ROBO2: variants seen among roughly 807,000 people sequenced by gnomAD.
ROBO2 encodes the protein roundabout guidance receptor 2.
In ROBO2, 53 loss-of-function variants were observed where a neutral mutation model predicts 160.8. The observed-to-expected ratio is 0.33, with a 90% confidence interval of 0.26 to 0.41. The LOEUF is 0.41. Among genes scored for constraint, ROBO2 ranks in the 10% least tolerant of loss-of-function variants. ROBO2 has a pLI of 1.00. For synonymous variants in ROBO2, 664 were observed against 611.7 expected (o/e 1.09, Z -1.26); for missense variants, 1,577 against 1,722.4 (o/e 0.92, Z 1.49).
intron 2 of ROBO2, among the ~76,000 whole-genome samples, chr3:76,073,746 A>G (rs2107979410): frequency 6.6e-6 from 1 of 151,992 alleles, no homozygotes; most frequent in South Asian, 2.1e-4. Flanking sequence ...TTATGTCAAG[A>G]GTCCTGGTAG....
intron 2 of ROBO2, among the ~76,000 whole-genome samples, chr3:77,450,645 T>C (rs912256857): frequency 1.3e-5 from 2 of 152,144 alleles, no homozygotes; most frequent in Non-Finnish European, 2.9e-5. Flanking sequence ...TGGATACTTA[T>C]ACGTGAGATT....
chr3:77,105,167 T>C (rs531010224), intron 2 of ROBO2, among the ~76,000 whole-genome samples: 22 of 152,292 alleles, frequency 1.4e-4, no homozygotes, highest in Non-Finnish European at 3.1e-4. Context: ...ATACTAGAAG[T>C]CAGTTAAGTA....
chr3:77,000,982 T>C (rs1400204223), intron 2 of ROBO2, among the ~76,000 whole-genome samples: 2 of 152,148 alleles, frequency 1.3e-5, no homozygotes, highest in Non-Finnish European at 2.9e-5. Flanking sequence ...TTTAGCACCA[T>C]ATATTTAAGA....
intron 2 of ROBO2, among the ~76,000 whole-genome samples, chr3:76,564,014 T>A (rs1195518176): frequency 6.6e-6 from 1 of 152,158 alleles, no homozygotes; most frequent in African/African-American, 2.4e-5. Context: ...GAGACCAGCC[T>A]GGCCAAAGTG....
At chr3:77,384,437 G>T (rs1261079622) in intron 2 of ROBO2, among the ~76,000 whole-genome samples, 2 of 152,106 alleles carry the variant, frequency 1.3e-5, no homozygotes, top group African/African-American at 4.8e-5. Flanking sequence ...TTTAAAAAAA[G>T]TCCAGGAGTA....
intron 2 of ROBO2, among the ~76,000 whole-genome samples, chr3:76,333,042 G>T (rs2073609126): frequency 6.6e-6 from 1 of 152,142 alleles, no homozygotes; most frequent in Non-Finnish European, 1.5e-5. Flanking sequence ...AAGTTTGCAG[G>T]TAATGCTGTT....
intron 1 of ROBO2, among the ~76,000 whole-genome samples, chr3:75,911,283 T>C (rs1409194460): frequency 6.6e-6 from 1 of 152,166 alleles, no homozygotes; most frequent in Non-Finnish European, 1.5e-5. Context: ...GTACACGATC[T>C]ATTACAGACC....
Position 77,124,345 on chromosome 3 carries a change from T to G in ROBO2, c.388+26005T>G, listed in dbSNP as rs73843476. On this transcript the variant is annotated intron_variant, in intron 2 of 25. Coordinates refer to ENST00000461745, the Ensembl canonical transcript of ROBO2. The stretch of plus-strand genomic sequence containing the variant: ...AAATAGCACGGTGAAAGTAGACATT[T>G]CAAGCCGGGAAAGAGTAGCGTTTTT... 3.4e-3 allele frequency among the ~76,000 whole-genome samples: 510 copies of G among 152,186 alleles called. 2 individuals carry two copies. Among genetic ancestry groups the G allele is most frequent in the African/African-American group, 0.012 (492 of 41,504 alleles).
intron 2 of ROBO2, among the ~76,000 whole-genome samples, chr3:76,031,114 A>T (rs971920944): frequency 1.3e-5 from 2 of 152,032 alleles, no homozygotes; most frequent in African/African-American, 4.8e-5. Context: ...TAGGTATTTT[A>T]TTCTCTTCAT....
intron 2 of ROBO2, among the ~76,000 whole-genome samples, chr3:76,705,043 C>G (rs9842611): frequency 0.062 from 9,375 of 152,148 alleles, 853 homozygotes; most frequent in African/African-American, 0.2. Flanking sequence ...TATGCCAACT[C>G]TTCAACTCTG....
chr3:76,938,045 C>T (rs188152979), intron 2 of ROBO2, among the ~76,000 whole-genome samples: 44 of 152,286 alleles, frequency 2.9e-4, no homozygotes, highest in Non-Finnish European at 5.9e-5. Context: ...TACGGACGGG[C>T]CTCAGAGAAC....
chr3:76,468,488 C>T (rs2078477606), intron 2 of ROBO2, among the ~76,000 whole-genome samples: 1 of 152,044 alleles, frequency 6.6e-6, no homozygotes, highest in Non-Finnish European at 1.5e-5. Context: ...CTTGCCCCTC[C>T]CCTTTATAGC....
At chr3:76,715,900 C>T (rs2093371560) in intron 2 of ROBO2, among the ~76,000 whole-genome samples, 1 of 152,108 alleles carries the variant, frequency 6.6e-6, no homozygotes, top group South Asian at 2.1e-4. Context: ...AAAGGGGACA[C>T]ATATATTCAC....
chr3:76,458,324 A>G lies in ROBO2; in HGVS notation c.109+520722A>G, dbSNP rs549423496. Among the ~76,000 whole-genome samples the G allele has an allele frequency of 2.0e-5, 3 of 152,172 alleles. No individual in the cohort carries two copies. In the East Asian group the frequency reaches 5.8e-4, roughly 30 times the overall value. ...CCACAATCTGTAGGGCACGGGCAAAATGCTGCCAGTCTCTTTGCTAAAACA... is the reference window on the plus strand; with the variant it reads ...CCACAATCTGTAGGGCACGGGCAAAGTGCTGCCAGTCTCTTTGCTAAAACA... On this transcript the variant is annotated intron_variant, in intron 2 of 26. Coordinates refer to the ROBO2 transcript ENST00000487694.
chr3:77,315,040 C>A (rs1198170430), intron 2 of ROBO2, among the ~76,000 whole-genome samples: 1 of 151,986 alleles, frequency 6.6e-6, no homozygotes, highest in African/African-American at 2.4e-5. Flanking sequence ...GAAAATAAAA[C>A]AATGTGGTAT....
intron 2 of ROBO2, among the ~76,000 whole-genome samples, chr3:76,211,661 G>T (rs867125681): frequency 2.0e-5 from 3 of 152,042 alleles, no homozygotes; most frequent in Non-Finnish European, 4.4e-5. Flanking sequence ...TCCAAGTTCA[G>T]ATGCCATACA....
chr3:77,536,821 T>C (rs964798748), intron 6 of ROBO2, among the ~76,000 whole-genome samples: 4 of 152,316 alleles, frequency 2.6e-5, no homozygotes, highest in Admixed American at 2.0e-4. Flanking sequence ...AAAACAAAAA[T>C]ATAAGTGTGA....
At chr3:76,193,034 G>T (rs998817639) in intron 2 of ROBO2, among the ~76,000 whole-genome samples, 2 of 151,980 alleles carry the variant, frequency 1.3e-5, no homozygotes, top group African/African-American at 2.4e-5. Context: ...TAACACTGAG[G>T]GTCATTCTCT....
At chr3:77,468,803 T>C (rs1266741124) in intron 2 of ROBO2, among the ~76,000 whole-genome samples, 1 of 152,224 alleles carries the variant, frequency 6.6e-6, no homozygotes, top group Non-Finnish European at 1.5e-5. Flanking sequence ...GCTCAGTGAA[T>C]GTGCCTGTGC....
Sources: allele counts gnomAD v4.1 joint callset (sites outside exome capture counted in the v4.1 genomes callset), GRCh38; gene constraint gnomAD v4.1.1; transcripts MANE v1.5; gene names NCBI Gene and HGNC (gene_info 2026-07-23, HGNC 2026-07-21).